KTN1: variants seen among roughly 807,000 people sequenced by gnomAD.
The protein encoded by KTN1 is kinectin.
A neutral mutation model predicts 222.5 loss-of-function variants in KTN1; 130 were observed. The ratio of observed to expected loss-of-function variants is 0.58; its 90% CI spans 0.51 to 0.68. The LOEUF (loss-of-function observed/expected upper bound fraction) is 0.68, where lower values mean the gene tolerates loss of function less well. Among genes scored for constraint, KTN1 ranks in the 30% least tolerant of loss-of-function variants. The probability of loss-of-function intolerance (pLI) is 0.00; values close to 1 mark genes in which losing one functional copy is unlikely to be tolerated. For missense variants in KTN1, 1,508 were observed against 1,500.4 expected (o/e 1.01, Z -0.08); for synonymous variants, 512 against 496.3 (o/e 1.03, Z -0.42).
In KTN1 at chr14:55,651,831, A is replaced by G. The variant is rs891593935; in HGVS notation, c.2566-59A>G. On this transcript the variant is annotated intron_variant, in intron 24 of 43. Transcript: ENST00000395314. The stretch of plus-strand genomic sequence containing the variant: ...GTGTACACATTATAAAGACTTATAA[A>G]GCTTAATAAGTTAAATTGAAAGGAT... 1.4e-5 allele frequency: 15 copies of G among 1,092,334 alleles called. No individual in the cohort carries two copies. In the Admixed American group the frequency reaches 3.1e-4, roughly 23 times the overall value. 67.7% of individuals were successfully genotyped at this position (1,092,334 alleles called of 1,614,324 possible).
At chr14:55,633,421 A>G (rs2040752344) in intron 8 of KTN1, 80 bp downstream of exon 8, 1 of 800,400 alleles carries the variant, frequency 1.2e-6, no homozygotes, top group Admixed American at 3.4e-5. Context: ...AGCGTTTGAT[A>G]GTAATTGGTT....
intron 31 of KTN1, chr14:55,661,245 T>C: frequency 4.0e-6 from 1 of 249,460 alleles, no homozygotes; most frequent in East Asian, 8.0e-5. Flanking sequence ...GCTACAACAG[T>C]TCATATCTTC....
chr14:55,660,783 G>A (rs1263464165), intron 31 of KTN1, among the ~76,000 whole-genome samples: 2 of 152,100 alleles, frequency 1.3e-5, no homozygotes, highest in Non-Finnish European at 2.9e-5. Flanking sequence ...GTATATGTGT[G>A]TACATGTATA....
chr14:55,591,606 G>C (rs1402621675), intron 1 of KTN1, among the ~76,000 whole-genome samples: 5 of 22,830 alleles, frequency 2.2e-4, no homozygotes, highest in Non-Finnish European at 4.2e-4. Flanking sequence ...TTTTTTTTTT[G>C]AGACGGAATT....
rs569291731 is a variant in KTN1, at chr14:55,580,494, C to G, written c.-31+140C>G. 2.0e-3 allele frequency: 299 copies of G among 148,370 alleles called. 2 individuals are homozygous for G. The highest frequency in any genetic ancestry group is 7.1e-3 in the African/African-American group (292 of 41,070). The allele number at this position is 148,370 out of a possible 1,614,324, so 9.2% of individuals were successfully genotyped here. On this transcript the variant is annotated intron_variant, in intron 1 of 43. Coordinates refer to ENST00000395314, the MANE Select transcript of KTN1 (RefSeq NM_001079521.2). ...GCGGCCGCGGGGCCCGGACGCCGCC[C>G]GCTGGGTAGGCCTCGGGCATCCGGT... is the stretch of plus-strand genomic sequence containing the variant.
At chr14:55,608,645 A>G (rs2037096778) in intron 1 of KTN1, among the ~76,000 whole-genome samples, 1 of 144,028 alleles carries the variant, frequency 6.9e-6, no homozygotes, top group South Asian at 2.2e-4. Context: ...TTTTTTTGAG[A>G]CAGAGTCTCG....
intron 18 of KTN1, among the ~76,000 whole-genome samples, chr14:55,644,849 G>A (rs2042144921): frequency 6.6e-6 from 1 of 152,022 alleles, no homozygotes; most frequent in Non-Finnish European, 1.5e-5. Context: ...AAACTAAGCT[G>A]AGTCAGGTTT....
intron 30 of KTN1, among the ~76,000 whole-genome samples, chr14:55,658,901 T>C (rs959544481): frequency 6.6e-6 from 1 of 152,210 alleles, no homozygotes; most frequent in Non-Finnish European, 1.5e-5. Context: ...TTAAATACTG[T>C]AGAGGTTGGG....
intron 23 of KTN1, 64 bp from the exon 24 acceptor site, chr14:55,650,505 A>G (rs780632749): frequency 7.3e-5 from 111 of 1,510,540 alleles, no homozygotes; most frequent in Non-Finnish European, 1.0e-4. Flanking sequence ...TTGTCTGTGC[A>G]TTGCATTTTA....
At chr14:55,649,455 A>G (rs1305648395) in intron 21 of KTN1, among the ~76,000 whole-genome samples, 5 of 151,924 alleles carry the variant, frequency 3.3e-5, no homozygotes, top group Non-Finnish European at 7.4e-5. Flanking sequence ...ATAAAGTAAG[A>G]CTCTAGTAAA....
intron 28 of KTN1, among the ~76,000 whole-genome samples, chr14:55,654,846 T>C (rs1243652977): frequency 1.3e-5 from 2 of 152,318 alleles, no homozygotes; most frequent in African/African-American, 4.8e-5. Flanking sequence ...TCTACCTGTG[T>C]ATCCCTCCCT....
At chr14:55,595,994 A>C (rs1379348686) in intron 1 of KTN1, among the ~76,000 whole-genome samples, 1 of 152,032 alleles carries the variant, frequency 6.6e-6, no homozygotes, top group Non-Finnish European at 1.5e-5. Context: ...CTCTACCAAA[A>C]ATACAAAAAA....
At chr14:55,644,817 G>A (rs2042141895) in intron 18 of KTN1, among the ~76,000 whole-genome samples, 2 of 152,106 alleles carry the variant, frequency 1.3e-5, no homozygotes, top group South Asian at 4.1e-4. Context: ...ATGAAGTAAA[G>A]TAAAAATGTT....
chr14:55,600,246 TTAAC>T (rs2035769780), intron 1 of KTN1, among the ~76,000 whole-genome samples: 1 of 151,982 alleles, frequency 6.6e-6, no homozygotes, highest in African/African-American at 2.4e-5. Context: ...ATTTTATTAA[TTAAC>T]CCATTATGTT....
chr14:55,629,260 CA>C (rs907075437), intron 6 of KTN1, among the ~76,000 whole-genome samples: 63 of 151,134 alleles, frequency 4.2e-4, no homozygotes, highest in African/African-American at 1.4e-3. Flanking sequence ...AATAAAAATA[CA>C]AAAAAAATTA....
intron 19 of KTN1, among the ~76,000 whole-genome samples, chr14:55,647,304 G>A (rs544337858): frequency 4.6e-5 from 7 of 152,170 alleles, no homozygotes; most frequent in Non-Finnish European, 1.0e-4. Context: ...AAGAAATGAT[G>A]GACAAAAGAG....
intron 1 of KTN1, among the ~76,000 whole-genome samples, chr14:55,590,876 AT>A (rs1293718624): frequency 6.6e-6 from 1 of 151,972 alleles, no homozygotes; most frequent in African/African-American, 2.4e-5. Context: ...GGGTTTCACC[AT>A]GTTGGCAAGG....
At chr14:55,599,998 A>G (rs961280256) in intron 1 of KTN1, among the ~76,000 whole-genome samples, 1 of 152,004 alleles carries the variant, frequency 6.6e-6, no homozygotes, top group African/African-American at 2.4e-5. Flanking sequence ...GTTCTTGGAC[A>G]AGAATTAAAA....
At chr14:55,602,821 C>A (rs1244664634) in intron 1 of KTN1, among the ~76,000 whole-genome samples, 1 of 152,140 alleles carries the variant, frequency 6.6e-6, no homozygotes, top group African/African-American at 2.4e-5. Flanking sequence ...CTCAAGCAGT[C>A]CTTTCTCCTT....
Sources: allele counts gnomAD v4.1 joint callset (sites outside exome capture counted in the v4.1 genomes callset), GRCh38; gene constraint gnomAD v4.1.1; transcripts MANE v1.5; gene names NCBI Gene and HGNC (gene_info 2026-07-23, HGNC 2026-07-21).